The following FANCA variants were observed in gnomAD, a reference collection of about 807,000 sequenced individuals.
FANCA encodes the protein FA complementation group A, also known as Fanconi anemia group A protein.
A neutral mutation model predicts 194.3 loss-of-function variants in FANCA; 236 were observed. That is an observed-to-expected ratio of 1.21 (90% CI 1.09 to 1.35). FANCA has a LOEUF of 1.35. Ranked by LOEUF, FANCA falls within the 40% of genes most tolerant of loss-of-function variation. The pLI, the probability that FANCA is intolerant of heterozygous loss-of-function variation, is 0.00. For synonymous variants in FANCA, 1,014 were observed against 715.8 expected, an observed-to-expected ratio of 1.42 and a Z score of -6.65; for missense variants, 2,628 against 1,813.9, an observed-to-expected ratio of 1.45 and a Z score of -8.15.
chr16:89,790,375 T>C (rs748014571), intron 14 of FANCA, among the ~76,000 whole-genome samples: 18 of 149,242 alleles, frequency 1.2e-4, no homozygotes, highest in East Asian at 2.0e-4. Flanking sequence ...GTATGAGTGA[T>C]AGAATGAGAC....
At position 89,773,324 on chromosome 16, in the gene FANCA, G is replaced by A. The variant is rs745517164; in HGVS notation, c.1961C>T (p.Thr654Ile). The part of the protein sequence containing the change: ...NSAEEPLGQL[T>I]AALGELRASM... Reference sequence around the variant, plus strand: ...GGCTCTCAGCTCTCCCAGTGCAGCTGTGAGCTGTCCCAGGGGCTCCTCAGC... The same window carrying A: ...GGCTCTCAGCTCTCCCAGTGCAGCTATGAGCTGTCCCAGGGGCTCCTCAGC... The change falls in exon 22 of 43, where the codon ACA becomes ATA. Residue 654 changes from threonine to isoleucine, a missense_variant. Thr to Ile is a moderately conservative substitution (Grantham distance 89). Coordinates refer to ENST00000389301, the MANE Select transcript of FANCA (RefSeq NM_000135.4). 1.9e-6 allele frequency: 3 copies of A among 1,551,586 alleles called. No homozygotes were observed. Among genetic ancestry groups the A allele is most frequent in the East Asian group, 4.9e-5 (2 of 40,922 alleles).
intron 24 of FANCA, 98 bp downstream of exon 24, chr16:89,770,466 C>T (rs759780703): frequency 1.7e-5 from 21 of 1,225,572 alleles, no homozygotes; most frequent in Admixed American, 1.2e-4. Context: ...CATGCTCCTG[C>T]GGAGACGAGC....
chr16:89,747,188 G>T (rs1036248351), intron 33 of FANCA, among the ~76,000 whole-genome samples: 11 of 152,206 alleles, frequency 7.2e-5, no homozygotes, highest in Non-Finnish European at 1.3e-4. Flanking sequence ...GGACGCACCC[G>T]GAGCGTAGAA....
chr16:89,788,633 C>CA (rs1039796320), intron 14 of FANCA, among the ~76,000 whole-genome samples: 1 of 151,944 alleles, frequency 6.6e-6, no homozygotes, highest in Non-Finnish European at 1.5e-5. Flanking sequence ...ATTGTATTTA[C>CA]AAAAAAATTT....
At position 89,773,403 on chromosome 16, in the gene FANCA, A is replaced by G. The variant is rs2143368133; in HGVS notation, c.1901-19T>C. 2.0e-6 allele frequency: 3 copies of G among 1,513,584 alleles called. No individual in the cohort carries two copies. Among genetic ancestry groups the G allele is most frequent in the Non-Finnish European group, 2.7e-6 (3 of 1,112,716 alleles). The allele number at this position is 1,513,584 out of a possible 1,614,324, so 93.8% of individuals were successfully genotyped here. ...GCTGCATCTGTGAGAAGAAGGAAGA[A>G]ACCAGATGGAAAGACACTCAACAGG... On this transcript the variant is annotated intron_variant, in intron 21 of 42. Transcript: ENST00000389301.
In FANCA at chr16:89,799,597, T is replaced by C. The variant is rs774666675; in HGVS notation, c.826+8A>G. On this transcript the variant is annotated splice_region_variant and intron_variant, in intron 9 of 42. Coordinates refer to ENST00000389301, the MANE Select transcript of FANCA (RefSeq NM_000135.4). Reference sequence around the variant, plus strand: ...TTTACAGTCTGGGCTGCAGTGCAATTAACTTACAAATCAGCATTCTCTGCA... The same window carrying C: ...TTTACAGTCTGGGCTGCAGTGCAATCAACTTACAAATCAGCATTCTCTGCA... The C allele has an allele frequency of 5.0e-6, 8 of 1,612,748 alleles. No individual in the cohort carries two copies. In the South Asian group the frequency reaches 7.7e-5, roughly 15 times the overall value.
At chr16:89,746,945 A>C (rs911536756) in intron 33 of FANCA, 55 bp from the exon 34 acceptor site, 2 of 1,470,020 alleles carry the variant, frequency 1.4e-6, no homozygotes, top group African/African-American at 2.8e-5. Context: ...AGGCGAGACC[A>C]ACATGCAGAG....
intron 10 of FANCA, among the ~76,000 whole-genome samples, chr16:89,796,832 C>G (rs998008421): frequency 7.9e-5 from 12 of 151,704 alleles, no homozygotes; most frequent in African/African-American, 2.9e-4. Flanking sequence ...ACTACCCTGG[C>G]TAACATGGTG....
chr16:89,815,926 G>C lies in FANCA; in HGVS notation c.140C>G (p.Ala47Gly). ...CTGATGGCTTCGCAGGAGGCGCACA[G>C]CTGATTCCTTTAATTTCTGTGCCCT... ...PERAQKLKES[A>G]VRLLRSHQDL... Residue 47 changes from alanine (A) to glycine (G), a missense_variant, in exon 2 of 43, where the codon GCT (alanine) becomes GGT (glycine). Physicochemically the swap from Ala to Gly is moderately conservative, Grantham distance 60 (BLOSUM62 0). Coordinates refer to ENST00000389301, the MANE Select transcript of FANCA (RefSeq NM_000135.4). The C allele has an allele frequency of 6.2e-7, 1 of 1,614,166 alleles. No individual in the cohort carries two copies. Among genetic ancestry groups the C allele is most frequent in the Non-Finnish European group, 8.5e-7 (1 of 1,179,988 alleles).
Position 89,815,979 on chromosome 16 carries a change from C to T in FANCA, c.87G>A (p.Arg29=), listed in dbSNP as rs760787108. 22 of 1,613,036 alleles carry T rather than the reference C, an allele frequency of 1.4e-5. No individual in the cohort carries two copies. The highest frequency in any genetic ancestry group is 3.3e-4 in the Middle Eastern group (2 of 6,058). The change falls in exon 2 of 43, where the codon AGG becomes AGA. Residue 29 remains arginine (R), a synonymous_variant. Coordinates refer to ENST00000389301, the MANE Select transcript of FANCA (RefSeq NM_000135.4). ...RRAWAELLAG[R]VKREKYNPER... is the part of the protein sequence containing the mutation. ...CAGGATTATATTTTTCCCTCTTGACCCTTCCCGCTACGGAGAGAAGTCGGT... is the reference window on the plus strand; with the variant it reads ...CAGGATTATATTTTTCCCTCTTGACTCTTCCCGCTACGGAGAGAAGTCGGT...
chr16:89,780,549 A>G (rs1414733278), intron 17 of FANCA, among the ~76,000 whole-genome samples: 1 of 151,866 alleles, frequency 6.6e-6, no homozygotes, highest in Non-Finnish European at 1.5e-5. Context: ...GCCTGTGCCC[A>G]GGAAATCATG....
intron 8 of FANCA, among the ~76,000 whole-genome samples, chr16:89,802,269 T>A (rs904989980): frequency 1.3e-5 from 2 of 150,440 alleles, no homozygotes; most frequent in African/African-American, 4.9e-5. Flanking sequence ...CCCGGCTATT[T>A]TTTTTTTTTT....
Position 89,754,516 on chromosome 16 carries a change from G to A in FANCA, c.2982-2294C>T, listed in dbSNP as rs868688482. On this transcript the variant is annotated intron_variant, in intron 30 of 42. Coordinates refer to ENST00000389301, the MANE Select transcript of FANCA (RefSeq NM_000135.4). ...GCCTCCCAAGTAACGGATTACAGGAGCCCACCACGATGCCCGGCTAATTTT... is the reference window on the plus strand; with the variant it reads ...GCCTCCCAAGTAACGGATTACAGGAACCCACCACGATGCCCGGCTAATTTT... Among the ~76,000 whole-genome samples the A allele has an allele frequency of 3.9e-5, 6 of 152,130 alleles. 1 individual carries two copies. The highest frequency in any genetic ancestry group is 6.8e-3 in the Middle Eastern group (2 of 292).
chr16:89,809,576 G>A (rs976310041), intron 5 of FANCA, among the ~76,000 whole-genome samples: 15 of 152,032 alleles, frequency 9.9e-5, no homozygotes, highest in African/African-American at 3.4e-4. Flanking sequence ...TGGGCAGGGC[G>A]CGGTGACTCA....
intron 7 of FANCA, among the ~76,000 whole-genome samples, chr16:89,804,448 C>G (rs909720369): frequency 1.3e-5 from 2 of 152,142 alleles, no homozygotes; most frequent in Admixed American, 6.6e-5. Context: ...GTCCTGCCGC[C>G]GTCCAGGAGT....
At chr16:89,762,256 T>C (rs2038977033) in intron 28 of FANCA, among the ~76,000 whole-genome samples, 1 of 152,218 alleles carries the variant, frequency 6.6e-6, no homozygotes, top group South Asian at 2.1e-4. Flanking sequence ...TTTCTAAGTA[T>C]AAAACGGCTA....
chr16:89,770,545 G>T lies in FANCA; in HGVS notation c.2222+19C>A, dbSNP rs757942072. 17 of 1,592,326 alleles carry T rather than the reference G, an allele frequency of 1.1e-5. No homozygotes were observed. The highest frequency in any genetic ancestry group is 1.4e-5 in the Non-Finnish European group (16 of 1,168,964). On this transcript the variant is annotated intron_variant, in intron 24 of 42. Coordinates refer to ENST00000389301, the MANE Select transcript of FANCA (RefSeq NM_000135.4). ...ACCCAGAGGAGCCCCACCACTCAGG[G>T]AGCTGCCCGCGCCTTCACCTCTCCG...
intron 8 of FANCA, 47 bp from the exon 9 acceptor site, chr16:89,799,685 T>C (rs754076949): frequency 2.0e-6 from 3 of 1,464,816 alleles, no homozygotes; most frequent in South Asian, 1.1e-5. Flanking sequence ...CTTCTGTAAT[T>C]TGTGTGATAC....
rs754664913 is a variant in FANCA at position 89,800,293 on chromosome 16, G to C, written c.793-655C>G. 3.9e-5 allele frequency among the ~76,000 whole-genome samples: 6 copies of C among 152,234 alleles called. 1 individual carries two copies. Among genetic ancestry groups the C allele is most frequent in the Admixed American group, 1.3e-4 (2 of 15,280 alleles). Reference sequence around the variant, plus strand: ...TGCCTCTGGAGCCAGAAGACGGTGAGAAGGTACCATTGTCCATTTCCCTTC... The same window carrying C: ...TGCCTCTGGAGCCAGAAGACGGTGACAAGGTACCATTGTCCATTTCCCTTC... On this transcript the variant is annotated intron_variant, in intron 8 of 42. Transcript: ENST00000389301.
Sources: gnomAD v4.1 joint callset for allele counts (sites outside exome capture counted in the v4.1 genomes callset) on GRCh38, gnomAD v4.1.1 for gene constraint, MANE v1.5 for transcripts, NCBI Gene and HGNC (gene_info 2026-07-23, HGNC 2026-07-21) for gene names.